GNAS-AS1: variants seen among roughly 807,000 people sequenced by gnomAD.
The protein encoded by GNAS-AS1 is GNAS antisense RNA 1.
intron 4 of GNAS-AS1, among the ~76,000 whole-genome samples, chr20:58,831,643 A>C (rs978382549): frequency 7.9e-5 from 12 of 152,234 alleles, no homozygotes; most frequent in Admixed American, 1.3e-4. Flanking sequence ...AAACAAAAAA[A>C]AACAAAAACA....
At chr20:58,823,756 G>A (rs1290465468) in intron 4 of GNAS-AS1, among the ~76,000 whole-genome samples, 3 of 152,228 alleles carry the variant, frequency 2.0e-5, no homozygotes, top group East Asian at 1.9e-4. Context: ...TGGCAATGGG[G>A]GAAATCACCA....
chr20:58,823,120 T>G (rs1245994555), intron 4 of GNAS-AS1, among the ~76,000 whole-genome samples: 1 of 152,200 alleles, frequency 6.6e-6, no homozygotes, highest in Admixed American at 6.5e-5. Flanking sequence ...GCCACGGCAA[T>G]GCAGTGGCCT....
intron 4 of GNAS-AS1, among the ~76,000 whole-genome samples, chr20:58,824,928 T>C (rs1453121815): frequency 6.6e-6 from 1 of 152,128 alleles, no homozygotes; most frequent in Admixed American, 6.5e-5. Context: ...GTGGATGGGT[T>C]CTGTGAGAGG....
chr20:58,841,702 G>C lies in GNAS-AS1; in HGVS notation n.819+235C>G, dbSNP rs2085736841. Reference sequence around the variant, plus strand: ...GGTAGAGGAGGTAAGGGGACCCTTGGGGATGCCCCTACGGGCTACCAGGGT... The same window carrying C: ...GGTAGAGGAGGTAAGGGGACCCTTGCGGATGCCCCTACGGGCTACCAGGGT... On this transcript the variant is annotated intron_variant and non_coding_transcript_variant, in intron 4 of 4. Transcript: ENST00000424094. This position sits in a 1 kb window ranked among gnomAD's most constrained non-coding sequence, Gnocchi z 5.0. 1 of 1,210,728 alleles carries C rather than the reference G, an allele frequency of 8.3e-7. No individual in the cohort carries two copies. The highest frequency in any genetic ancestry group is 1.0e-6 in the Non-Finnish European group (1 of 974,788). 75.0% of individuals were successfully genotyped at this position (1,210,728 alleles called of 1,614,324 possible).
At chr20:58,825,280 T>C (rs1407605747) in intron 4 of GNAS-AS1, among the ~76,000 whole-genome samples, 1 of 152,200 alleles carries the variant, frequency 6.6e-6, no homozygotes, top group Non-Finnish European at 1.5e-5. Context: ...ACCTCATTTA[T>C]CCCCTTTGGT....
chr20:58,850,242 T>G (rs1217476056), intron 1 of GNAS-AS1, among the ~76,000 whole-genome samples: 3 of 152,200 alleles, frequency 2.0e-5, no homozygotes, highest in Non-Finnish European at 2.9e-5. Context: ...GTTCTTTTCT[T>G]CCATTTGTAT....
At chr20:58,819,091 T>A in exon 5 of GNAS-AS1, 1 of 398,652 alleles carries the variant, frequency 2.5e-6, no homozygotes, top group East Asian at 3.6e-5. Context: ...CACCAAACTC[T>A]CTTTGCTTAT....
At position 58,826,434 on chromosome 20, in the gene GNAS-AS1, T is replaced by A. The variant is rs557159734; in HGVS notation, n.820-7179A>T. Among the ~76,000 whole-genome samples the A allele has an allele frequency of 5.9e-5, 9 of 152,272 alleles. No individual in the cohort carries two copies. The East Asian group carries it at 1.4e-3, about 23-fold the overall frequency. On this transcript the variant is annotated intron_variant and non_coding_transcript_variant, in intron 4 of 4. Coordinates refer to ENST00000424094, the Ensembl canonical transcript of GNAS-AS1. The stretch of plus-strand genomic sequence containing the variant: ...GGTAACCCTAGTTATACACCATGAC[T>A]AACTCATCTATGCCTACGACGAGTG...
chr20:58,841,575 C>T lies in GNAS-AS1; in HGVS notation n.819+362G>A. On this transcript the variant is annotated intron_variant and non_coding_transcript_variant, in intron 4 of 4. Transcript: ENST00000424094. The surrounding 1 kb of genome is among the most constrained non-coding windows in gnomAD (Gnocchi z 5.0). ...CCGCCACAGCCCGCCTCCCGTCGCT[C>T]GCGGGACAGAGACCGCCTCAAAGAG... 2 of 1,005,688 alleles carry T rather than the reference C, an allele frequency of 2.0e-6. No individual in the cohort carries two copies. Among genetic ancestry groups the T allele is most frequent in the Non-Finnish European group, 2.4e-6 (2 of 843,910 alleles). 62.3% of individuals were successfully genotyped at this position (1,005,688 alleles called of 1,614,324 possible). A position where few individuals can be genotyped will look rare whatever the true frequency, so the allele number is the denominator to read the frequency against.
At chr20:58,827,392 G>A (rs888903541) in intron 4 of GNAS-AS1, among the ~76,000 whole-genome samples, 9 of 152,278 alleles carry the variant, frequency 5.9e-5, no homozygotes, top group African/African-American at 2.2e-4. Flanking sequence ...CCCTGCTGGT[G>A]GGGACACACT....
At chr20:58,848,656 T>C (rs1225122059) in intron 2 of GNAS-AS1, among the ~76,000 whole-genome samples, 1 of 152,112 alleles carries the variant, frequency 6.6e-6, no homozygotes, top group Non-Finnish European at 1.5e-5. Flanking sequence ...CTAGCAAAAT[T>C]ATCAGCCTTC....
chr20:58,842,969 C>T (rs1568911803), intron 2 of GNAS-AS1, among the ~76,000 whole-genome samples: 1 of 152,184 alleles, frequency 6.6e-6, no homozygotes. Context: ...CCGTGTCGAG[C>T]CCACACCTCA....
intron 2 of GNAS-AS1, among the ~76,000 whole-genome samples, chr20:58,844,849 A>G (rs2085883793): frequency 6.6e-6 from 1 of 152,168 alleles, no homozygotes; most frequent in South Asian, 2.1e-4. Flanking sequence ...CCGAAAAACA[A>G]AAAAAGCACC....
At chr20:58,823,462 T>A (rs2085499187) in intron 4 of GNAS-AS1, among the ~76,000 whole-genome samples, 1 of 152,136 alleles carries the variant, frequency 6.6e-6, no homozygotes, top group Non-Finnish European at 1.5e-5. Flanking sequence ...GGTGTGGCCA[T>A]CTGTATGCCT....
At chr20:58,831,095 G>A (rs1400138699) in intron 4 of GNAS-AS1, among the ~76,000 whole-genome samples, 3 of 152,010 alleles carry the variant, frequency 2.0e-5, no homozygotes, top group Non-Finnish European at 4.4e-5. Context: ...CTACTAACTA[G>A]AAGAACCCAA....
intron 1 of GNAS-AS1, among the ~76,000 whole-genome samples, chr20:58,849,997 T>C (rs1321613817): frequency 2.0e-5 from 3 of 152,172 alleles, no homozygotes; most frequent in Non-Finnish European, 2.9e-5. Context: ...AGATTCTATC[T>C]AATTTCTCCT....
chr20:58,823,292 A>G (rs2085498040), intron 4 of GNAS-AS1, among the ~76,000 whole-genome samples: 1 of 152,258 alleles, frequency 6.6e-6, no homozygotes, highest in South Asian at 2.1e-4. Flanking sequence ...CAATAAAAGC[A>G]GAAACTGACC....
At chr20:58,829,459 C>A (rs1251546612) in intron 4 of GNAS-AS1, among the ~76,000 whole-genome samples, 2 of 152,214 alleles carry the variant, frequency 1.3e-5, no homozygotes, top group Admixed American at 1.3e-4. Flanking sequence ...TTCAAGACAA[C>A]AGAAAGACTG....
Position 58,841,864 on chromosome 20 carries a change from G to A in GNAS-AS1, n.819+73C>T. ...ACCTCTGGAGGCCCTCGAGATCGTCGCAAGTGGAAAGGTAAAGCGGAACAA... is the reference window on the plus strand; with the variant it reads ...ACCTCTGGAGGCCCTCGAGATCGTCACAAGTGGAAAGGTAAAGCGGAACAA... On this transcript the variant is annotated intron_variant and non_coding_transcript_variant, in intron 4 of 4. Transcript: ENST00000424094. This position sits in a 1 kb window ranked among gnomAD's most constrained non-coding sequence, Gnocchi z 5.0. 2 of 1,231,180 alleles carry A rather than the reference G, an allele frequency of 1.6e-6. No homozygotes were observed. The highest frequency in any genetic ancestry group is 2.0e-6 in the Non-Finnish European group (2 of 987,972). 76.3% of individuals were successfully genotyped at this position (1,231,180 alleles called of 1,614,324 possible).
Sources: allele counts gnomAD v4.1 joint callset (sites outside exome capture counted in the v4.1 genomes callset), GRCh38; gene constraint gnomAD v4.1.1; non-coding constraint Gnocchi (gnomAD v3.1); transcripts MANE v1.5; gene names NCBI Gene and HGNC (gene_info 2026-07-23, HGNC 2026-07-21).